Variants in PARN observed in about 807,000 individuals in gnomAD.
PARN encodes the protein poly(A)-specific ribonuclease.
Under a neutral mutation model 102.8 loss-of-function variants are expected in PARN, and 71 were observed. That is an observed-to-expected ratio of 0.69 (90% CI 0.57 to 0.84). The LOEUF is 0.84. Ranked by LOEUF, PARN falls within the 40% of genes least tolerant of loss-of-function variation. The probability of loss-of-function intolerance (pLI) is 0.00; values close to 1 mark genes in which losing one functional copy is unlikely to be tolerated. For missense variants in PARN, 782 were observed against 760.9 expected, an observed-to-expected ratio of 1.03 and a Z score of -0.33; for synonymous variants, 261 against 252.9, an observed-to-expected ratio of 1.03 and a Z score of -0.30.
chr16:14,464,712 C>T (rs146501424), intron 22 of PARN, among the ~76,000 whole-genome samples: 107 of 151,674 alleles, frequency 7.1e-4, no homozygotes, highest in African/African-American at 2.2e-3. Context: ...GCTGAGGTTG[C>T]GCCACTGCAC....
At chr16:14,607,451 G>A (rs1309893556) in intron 9 of PARN, among the ~76,000 whole-genome samples, 2 of 151,840 alleles carry the variant, frequency 1.3e-5, no homozygotes, top group Non-Finnish European at 2.9e-5. Context: ...CAGGTGATCT[G>A]CCCACCTCGG....
intron 11 of PARN, among the ~76,000 whole-genome samples, chr16:14,600,605 T>C (rs1380145176): frequency 6.6e-6 from 1 of 152,112 alleles, no homozygotes; most frequent in African/African-American, 2.4e-5. Context: ...TCTGGCTTCA[T>C]GCTCACTGAA....
chr16:14,593,331 T>G lies in PARN; in HGVS notation c.888A>C (p.Thr296=), dbSNP rs1970309442. Reference sequence around the variant, plus strand: ...GCAGAGGGCAGTAGAACTGATGAACTGTGTGCATGACGTCCAAGAGCATAT... The same window carrying G: ...GCAGAGGGCAGTAGAACTGATGAACGGTGTGCATGACGTCCAAGAGCATAT... ...GHNMLLDVMH[T]VHQFYCPLPA... is the part of the protein sequence containing the mutation. Residue 296 remains threonine, a synonymous_variant, in exon 13 of 24, where the codon ACA becomes ACC. Transcript: ENST00000437198. 6.2e-7 allele frequency: 1 copy of G among 1,606,788 alleles called. No homozygotes were observed. Among genetic ancestry groups the G allele is most frequent in the South Asian group, 1.1e-5 (1 of 90,920 alleles).
At chr16:14,528,962 C>A (rs2151664848) in intron 21 of PARN, among the ~76,000 whole-genome samples, 1 of 152,242 alleles carries the variant, frequency 6.6e-6, no homozygotes, top group East Asian at 1.9e-4. Flanking sequence ...AGAGAAAAAA[C>A]ATTTTCTCTT....
chr16:14,552,665 G>A (rs1265615986), intron 20 of PARN, among the ~76,000 whole-genome samples: 1 of 152,014 alleles, frequency 6.6e-6, no homozygotes, highest in African/African-American at 2.4e-5. Flanking sequence ...AATAGTGTTA[G>A]AGGCCGGGCG....
At chr16:14,619,394 GT>G (rs1380663672) in intron 5 of PARN, among the ~76,000 whole-genome samples, 2 of 151,480 alleles carry the variant, frequency 1.3e-5, no homozygotes, top group African/African-American at 4.9e-5. Flanking sequence ...GAGCCCAGGA[GT>G]TTGTGTGACC....
At chr16:14,472,842 A>T (rs1201993246) in intron 22 of PARN, among the ~76,000 whole-genome samples, 2 of 152,236 alleles carry the variant, frequency 1.3e-5, no homozygotes, top group East Asian at 3.8e-4. Flanking sequence ...TTTTAATGAC[A>T]TAGGAATACA....
intron 6 of PARN, among the ~76,000 whole-genome samples, chr16:14,613,320 A>C (rs1449444628): frequency 8.7e-5 from 13 of 149,240 alleles, no homozygotes; most frequent in Non-Finnish European, 1.5e-4. Context: ...AAAAAAAAAA[A>C]AAAAACAAAA....
In PARN at chr16:14,604,221, C is replaced by T. The variant is rs1475288608; in HGVS notation, c.708G>A (p.Glu236=). ...CTACTTTGCTGATAACTATATATCG[C>T]TCCTTCTAAAAGACATAAAGCAGAT... The part of the protein sequence containing the change: ...HVETLETEKK[E]RYIVISKVDE... Residue 236 remains glutamate (E), a synonymous_variant, in exon 11 of 24, where the codon GAG becomes GAA. Transcript: ENST00000437198. 7 of 1,577,408 alleles carry T rather than the reference C, an allele frequency of 4.4e-6. No individual in the cohort carries two copies. The highest frequency in any genetic ancestry group is 1.3e-5 in the African/African-American group (1 of 74,292).
intron 22 of PARN, among the ~76,000 whole-genome samples, chr16:14,472,019 C>G (rs1293594058): frequency 6.6e-6 from 1 of 152,180 alleles, no homozygotes; most frequent in East Asian, 1.9e-4. Context: ...TCTTGTTGAA[C>G]TATCCCCTCT....
At position 14,604,220 on chromosome 16, in the gene PARN, G is replaced by C; in HGVS notation, c.709C>G (p.Arg237Gly). ...TCTACTTTGCTGATAACTATATATC[G>C]CTCCTTCTAAAAGACATAAAGCAGA... ...VETLETEKKE[R>G]YIVISKVDEE... is the part of the protein sequence containing the mutation. Residue 237 changes from arginine to glycine, a missense_variant, in exon 11 of 24, where the codon CGA (arginine) becomes GGA (glycine). Coordinates refer to ENST00000437198, the MANE Select transcript of PARN (RefSeq NM_002582.4). 1 of 1,575,608 alleles carries C rather than the reference G, an allele frequency of 6.3e-7. No homozygotes were observed. Among genetic ancestry groups the C allele is most frequent in the Non-Finnish European group, 8.7e-7 (1 of 1,153,358 alleles).
At chr16:14,621,224 T>G (rs573470046) in intron 5 of PARN, among the ~76,000 whole-genome samples, 2 of 152,334 alleles carry the variant, frequency 1.3e-5, no homozygotes, top group South Asian at 4.1e-4. Flanking sequence ...AGTGTTCTTA[T>G]AACTCTGCCC....
chr16:14,485,759 C>A (rs1963641659), intron 21 of PARN, among the ~76,000 whole-genome samples: 1 of 152,070 alleles, frequency 6.6e-6, no homozygotes, highest in South Asian at 2.1e-4. Flanking sequence ...GCCATCTAGG[C>A]TCATTGCAAC....
At chr16:14,608,357 T>A (rs1157086343) in intron 8 of PARN, 38 bp from the exon 9 acceptor site, 2 of 1,366,260 alleles carry the variant, frequency 1.5e-6, no homozygotes, top group African/African-American at 2.9e-5. Flanking sequence ...TTTTGGCTCA[T>A]TAGAAGTAAA....
chr16:14,505,318 T>A (rs1964833952), intron 21 of PARN, among the ~76,000 whole-genome samples: 1 of 152,178 alleles, frequency 6.6e-6, no homozygotes, highest in African/African-American at 2.4e-5. Flanking sequence ...CAACATAGGC[T>A]AGATTAAGAA....
At chr16:14,590,277 A>G (rs1644549195) in intron 13 of PARN, among the ~76,000 whole-genome samples, 1 of 150,658 alleles carries the variant, frequency 6.6e-6, no homozygotes, top group East Asian at 1.9e-4. Context: ...GAGAAGAGAA[A>G]AAAAAAAAAA....
intron 22 of PARN, among the ~76,000 whole-genome samples, chr16:14,460,459 G>T (rs1174016658): frequency 6.6e-6 from 1 of 152,186 alleles, no homozygotes; most frequent in African/African-American, 2.4e-5. Context: ...CAACGGAAGG[G>T]TGAGTATTCT....
chr16:14,489,086 C>A (rs1028158319), intron 21 of PARN, among the ~76,000 whole-genome samples: 2 of 152,094 alleles, frequency 1.3e-5, no homozygotes, highest in African/African-American at 4.8e-5. Flanking sequence ...CGCCCCGCAA[C>A]ACACATACAT....
intron 23 of PARN, among the ~76,000 whole-genome samples, chr16:14,437,558 C>T (rs1960756347): frequency 6.6e-6 from 1 of 152,198 alleles, no homozygotes; most frequent in Non-Finnish European, 1.5e-5. Flanking sequence ...GCAGCTGCGG[C>T]CAGCAACTGA....
Sources: allele counts gnomAD v4.1 joint callset (sites outside exome capture counted in the v4.1 genomes callset), GRCh38; gene constraint gnomAD v4.1.1; transcripts MANE v1.5; gene names NCBI Gene and HGNC (gene_info 2026-07-23, HGNC 2026-07-21).